ESRRG: variants seen among roughly 807,000 people sequenced by gnomAD.
The protein encoded by ESRRG is estrogen-related receptor gamma.
Under a neutral mutation model 44.0 loss-of-function variants are expected in ESRRG, and 13 were observed. The observed-to-expected ratio is 0.30, with a 90% confidence interval of 0.19 to 0.47. ESRRG has a LOEUF of 0.47. ESRRG is among the 20% of genes least tolerant of loss of function. The probability of loss-of-function intolerance (pLI) is 1.00; values close to 1 mark genes in which losing one functional copy is unlikely to be tolerated. For missense variants in ESRRG, 395 were observed against 580.6 expected (o/e 0.68, Z 3.29); for synonymous variants, 215 against 214.6 (o/e 1.00, Z -0.02).
chr1:217,017,570 A>C (rs1317617729), intron 1 of ESRRG, among the ~76,000 whole-genome samples: 3 of 151,950 alleles, frequency 2.0e-5, no homozygotes, highest in Admixed American at 2.0e-4. Flanking sequence ...AAAGTCACAG[A>C]AAGAGGGAAA....
intron 1 of ESRRG, among the ~76,000 whole-genome samples, chr1:217,134,182 C>G (rs901652401): frequency 6.6e-6 from 1 of 152,124 alleles, no homozygotes; most frequent in Non-Finnish European, 1.5e-5. Context: ...AGACCGCGCT[C>G]CAGCCCCCAT....
chr1:217,029,551 A>G lies in ESRRG; in HGVS notation c.-106+59956T>C, dbSNP rs559010143. On this transcript the variant is annotated intron_variant, in intron 1 of 7. Transcript: ENST00000359162. ...TAATATGTTGCGAAACGCATTATAT[A>G]AAGTTGAAAACTATGACTGGGCTCT... 5.9e-5 allele frequency among the ~76,000 whole-genome samples: 9 copies of G among 152,352 alleles called. No individual in the cohort carries two copies. In the South Asian group the frequency reaches 1.9e-3, roughly 32 times the overall value.
intron 1 of ESRRG, among the ~76,000 whole-genome samples, chr1:217,108,813 T>A (rs1443634941): frequency 1.3e-5 from 2 of 152,058 alleles, no homozygotes; most frequent in African/African-American, 2.4e-5. Flanking sequence ...ATTAAACCAT[T>A]TTTCTTTATA....
rs571583569 is a variant in ESRRG at position 217,032,946 on chromosome 1, G to A, written c.-106+56561C>T. Among the ~76,000 whole-genome samples the A allele has an allele frequency of 1.8e-4, 27 of 152,240 alleles. No homozygotes were observed. In the South Asian group the frequency reaches 5.6e-3, roughly 32 times the overall value. ...AACCTCTTAAATAGCTATCTCCACT[G>A]ATAGCCTTCGGCACAGACCGTCCCC... On this transcript the variant is annotated intron_variant, in intron 1 of 7. Transcript: ENST00000359162.
intron 1 of ESRRG, among the ~76,000 whole-genome samples, chr1:216,941,177 A>G (rs1005392618): frequency 3.9e-5 from 6 of 152,182 alleles, no homozygotes; most frequent in African/African-American, 1.4e-4. Context: ...TGTAATTTAT[A>G]TAAGTATAAA....
At chr1:216,706,912 A>G (rs992302256) in intron 1 of ESRRG, among the ~76,000 whole-genome samples, 1 of 152,218 alleles carries the variant, frequency 6.6e-6, no homozygotes, top group African/African-American at 2.4e-5. Flanking sequence ...CATCCACTGA[A>G]GAGATGCTGC....
rs932005864 is a variant in ESRRG, at chr1:216,615,370, A to G, written c.589+35603T>C. The stretch of plus-strand genomic sequence containing the variant: ...TTCAAGTTCTTTGGCATATTTTTCT[A>G]CTACGGAGCTCATTCTGTAGGTTAG... On this transcript the variant is annotated intron_variant, in intron 3 of 6. Transcript: ENST00000408911. 7.2e-5 allele frequency among the ~76,000 whole-genome samples: 11 copies of G among 152,216 alleles called. No homozygotes were observed. The East Asian group carries it at 1.2e-3, about 16-fold the overall frequency.
At chr1:216,992,222 A>C (rs2075819691) in intron 1 of ESRRG, among the ~76,000 whole-genome samples, 1 of 152,222 alleles carries the variant, frequency 6.6e-6, no homozygotes, top group Non-Finnish European at 1.5e-5. Flanking sequence ...AGTGATATTT[A>C]ACTACTTATG....
intron 3 of ESRRG, among the ~76,000 whole-genome samples, chr1:216,601,280 G>A (rs1008147325): frequency 6.6e-6 from 1 of 151,990 alleles, no homozygotes; most frequent in African/African-American, 2.4e-5. Flanking sequence ...CCTCCCAGGG[G>A]CTCCCTCCGC....
intron 1 of ESRRG, among the ~76,000 whole-genome samples, chr1:216,996,150 A>T (rs2076350209): frequency 6.6e-6 from 1 of 152,226 alleles, no homozygotes; most frequent in Non-Finnish European, 1.5e-5. Flanking sequence ...CTGAGTGCAG[A>T]TTTAAAATGA....
chr1:216,818,710 C>T (rs1479933738), intron 2 of ESRRG, among the ~76,000 whole-genome samples: 3 of 152,034 alleles, frequency 2.0e-5, no homozygotes, highest in Non-Finnish European at 4.4e-5. Context: ...ATCATCCCAT[C>T]ACCCAGGTAT....
chr1:216,700,266 T>C (rs1184651841), intron 1 of ESRRG, among the ~76,000 whole-genome samples: 1 of 152,176 alleles, frequency 6.6e-6, no homozygotes, highest in Non-Finnish European at 1.5e-5. Context: ...ATTTTCACTT[T>C]TAAAAAACTT....
At position 216,792,573 on chromosome 1, in the gene ESRRG, G is replaced by A. The variant is rs530533489; in HGVS notation, c.-13-115082C>T. 2.6e-5 allele frequency among the ~76,000 whole-genome samples: 4 copies of A among 152,294 alleles called. No individual in the cohort carries two copies. The South Asian group carries it at 8.3e-4, about 32-fold the overall frequency. The stretch of plus-strand genomic sequence containing the variant: ...AAAGATGAGGCAGTGGCATTAGGAA[G>A]AATGCATACAGGCTCTGGCATATTT... On this transcript the variant is annotated intron_variant, in intron 2 of 7. Coordinates refer to the ESRRG transcript ENST00000359162.
At chr1:216,735,005 T>A (rs577625314) in intron 2 of ESRRG, among the ~76,000 whole-genome samples, 13 of 143,794 alleles carry the variant, frequency 9.0e-5, no homozygotes, top group African/African-American at 3.1e-4. Flanking sequence ...GCCTCCTGGG[T>A]TCAAGTGATT....
intron 1 of ESRRG, among the ~76,000 whole-genome samples, chr1:217,095,524 T>G (rs972937194): frequency 5.3e-5 from 8 of 152,140 alleles, no homozygotes; most frequent in Non-Finnish European, 1.0e-4. Flanking sequence ...GGCCGGACCT[T>G]GGCAGTGGGG....
chr1:216,983,275 A>G (rs1042880658), intron 1 of ESRRG, among the ~76,000 whole-genome samples: 5 of 151,764 alleles, frequency 3.3e-5, no homozygotes, highest in African/African-American at 1.2e-4. Context: ...TCTGTTACCC[A>G]GGTTGGAGAT....
intron 2 of ESRRG, among the ~76,000 whole-genome samples, chr1:216,803,567 C>G (rs563579247): frequency 1.3e-5 from 2 of 152,160 alleles, no homozygotes; most frequent in South Asian, 2.1e-4. Context: ...AGATTTTTGT[C>G]TAGACATTTT....
At chr1:217,039,547 A>T (rs973535428) in intron 1 of ESRRG, among the ~76,000 whole-genome samples, 1 of 152,106 alleles carries the variant, frequency 6.6e-6, no homozygotes, top group Non-Finnish European at 1.5e-5. Flanking sequence ...CGTGAGACCC[A>T]CTCACTATCA....
intron 2 of ESRRG, among the ~76,000 whole-genome samples, chr1:216,836,741 C>G (rs1486659242): frequency 6.6e-6 from 1 of 152,154 alleles, no homozygotes; most frequent in Non-Finnish European, 1.5e-5. Context: ...GCCCAGCATG[C>G]AAACATTTTG....
Sources: gnomAD v4.1 joint callset for allele counts (sites outside exome capture counted in the v4.1 genomes callset) on GRCh38, gnomAD v4.1.1 for gene constraint, MANE v1.5 for transcripts, NCBI Gene and HGNC (gene_info 2026-07-23, HGNC 2026-07-21) for gene names.